The following LPP variants were observed in gnomAD, a reference collection of about 807,000 sequenced individuals.
LPP encodes the protein lipoma-preferred partner.
LPP carries 38 observed loss-of-function variants against 60.4 expected under a neutral mutation model. The ratio of observed to expected loss-of-function variants is 0.63; its 90% CI spans 0.49 to 0.83. LPP has a LOEUF of 0.83. Among genes scored for constraint, LPP ranks in the 40% least tolerant of loss-of-function variants. The pLI, the probability that LPP is intolerant of heterozygous loss-of-function variation, is 0.00. For missense variants in LPP, 902 were observed against 783.6 expected (o/e 1.15, Z -1.80); for synonymous variants, 328 against 290.8 (o/e 1.13, Z -1.30).
At chr3:188,730,763 C>T (rs1216317058) in intron 8 of LPP, among the ~76,000 whole-genome samples, 28 of 152,194 alleles carry the variant, frequency 1.8e-4, no homozygotes, top group Admixed American at 1.8e-3. Context: ...TGGCTAAAAC[C>T]ATCATGTTAG....
At chr3:188,592,368 ATACACACAGTCACACACACACT>A (rs1473630157) in intron 6 of LPP, among the ~76,000 whole-genome samples, 3 of 151,894 alleles carry the variant, frequency 2.0e-5, no homozygotes, top group Non-Finnish European at 2.9e-5. Context: ...ACACACACAC[ATACACACAGTCACACACACACT>A]TACACACAGA....
At chr3:188,746,760 A>G (rs572834323) in intron 8 of LPP, 85 of 256,278 alleles carry the variant, frequency 3.3e-4, no homozygotes, top group Middle Eastern at 1.4e-3. Flanking sequence ...ACTAAATGTG[A>G]TAATCTAAGT....
intron 1 of LPP, among the ~76,000 whole-genome samples, chr3:188,169,851 A>G (rs1357351559): frequency 3.9e-5 from 6 of 152,214 alleles, no homozygotes; most frequent in Non-Finnish European, 8.8e-5. Context: ...ATACAGGGTC[A>G]GAATTCTACT....
intron 3 of LPP, among the ~76,000 whole-genome samples, chr3:188,398,795 A>G (rs1781561971): frequency 6.6e-6 from 1 of 152,224 alleles, no homozygotes; most frequent in Non-Finnish European, 1.5e-5. Context: ...GTTTGCCTAA[A>G]TACTTATTTA....
intron 9 of LPP, among the ~76,000 whole-genome samples, chr3:188,839,413 T>C (rs1759339637): frequency 6.6e-6 from 1 of 152,216 alleles, no homozygotes; most frequent in African/African-American, 2.4e-5. Flanking sequence ...CCCCAAGGCT[T>C]CAGCAAACAT....
Position 188,464,979 on chromosome 3 carries a change from G to GAAA in LPP, c.194-19597_194-19595dup, listed in dbSNP as rs35304055. Among the ~76,000 whole-genome samples the GAAA allele has an allele frequency of 6.5e-3, 671 of 102,944 alleles. 1 individual carries two copies. Among genetic ancestry groups the GAAA allele is most frequent in the African/African-American group, 0.013 (363 of 28,522 alleles). 67.5% of individuals were successfully genotyped at this position (102,944 alleles called of 152,430 possible). Reference sequence around the variant, plus strand: ...TTGAAGCTGAAAAAGGCTTACTATGGAAAAAAAAAAAAAAAAAAGCCCAAG... The same window carrying GAAA: ...TTGAAGCTGAAAAAGGCTTACTATGGAAAAAAAAAAAAAAAAAAAAAGCCCAAG... On this transcript the variant is annotated intron_variant, in intron 4 of 11. Transcript: ENST00000617246.
At chr3:188,472,460 A>G (rs1286982569) in intron 4 of LPP, 2 of 152,306 alleles carry the variant, frequency 1.3e-5, no homozygotes, top group African/African-American at 2.4e-5. Flanking sequence ...TTTTTAAAGC[A>G]TTCATGCATT....
In LPP at chr3:188,690,302, C is replaced by T. The variant is rs116763347; in HGVS notation, c.1114-17965C>T. ...TGACATGTCAGTATTGCTGTTTGCT[C>T]GGGGTTAGGCTTTTCCTTTGGAGGT... On this transcript the variant is annotated intron_variant, in intron 7 of 11. Transcript: ENST00000617246. Among the ~76,000 whole-genome samples the T allele has an allele frequency of 3.2e-3, 484 of 152,194 alleles. 5 individuals are homozygous for T. Among genetic ancestry groups the T allele is most frequent in the African/African-American group, 0.011 (463 of 41,512 alleles).
At position 188,495,083 on chromosome 3, in the gene LPP, T is replaced by TA. The variant is rs57578460; in HGVS notation, c.306+10379_306+10380insA. 1.7e-3 allele frequency among the ~76,000 whole-genome samples: 134 copies of TA among 77,708 alleles called. 4 individuals are homozygous for TA. The highest frequency in any genetic ancestry group is 6.5e-3 in the African/African-American group (75 of 11,622). 51.0% of individuals were successfully genotyped at this position (77,708 alleles called of 152,430 possible). A position where few individuals can be genotyped will look rare whatever the true frequency, so the allele number is the denominator to read the frequency against. On this transcript the variant is annotated intron_variant, in intron 5 of 11. Coordinates refer to ENST00000617246, the MANE Select transcript of LPP (RefSeq NM_001375462.1). Reference sequence around the variant, plus strand: ...AGGATTTTATATATATATATATATATTTTATTTATATTTTATTATATATTT... The same window carrying TA: ...AGGATTTTATATATATATATATATATATTTATTTATATTTTATTATATATTT...
chr3:188,240,589 G>A (rs1271603934), intron 2 of LPP, among the ~76,000 whole-genome samples: 1 of 152,102 alleles, frequency 6.6e-6, no homozygotes, highest in Non-Finnish European at 1.5e-5. Context: ...CTGTTATTGA[G>A]TAGTTAGGAT....
intron 3 of LPP, among the ~76,000 whole-genome samples, chr3:188,355,783 C>T (rs900042500): frequency 6.6e-6 from 1 of 152,158 alleles, no homozygotes; most frequent in African/African-American, 2.4e-5. Flanking sequence ...GTTTGTTAAT[C>T]ATATGACTAT....
At chr3:188,409,116 G>A (rs1011372206) in intron 4 of LPP, among the ~76,000 whole-genome samples, 1 of 152,154 alleles carries the variant, frequency 6.6e-6, no homozygotes, top group Non-Finnish European at 1.5e-5. Flanking sequence ...ATGGCTGGCG[G>A]ATGGCTGGCT....
intron 9 of LPP, among the ~76,000 whole-genome samples, chr3:188,848,721 A>G (rs574354123): frequency 1.3e-5 from 2 of 152,320 alleles, no homozygotes; most frequent in South Asian, 4.1e-4. Context: ...TAATCCCAGC[A>G]CTTTGGGAGG....
At chr3:188,359,276 G>A (rs1252987259) in intron 3 of LPP, among the ~76,000 whole-genome samples, 1 of 152,194 alleles carries the variant, frequency 6.6e-6, no homozygotes, top group African/African-American at 2.4e-5. Flanking sequence ...AAAGCAAGCT[G>A]CATCCGAGGT....
chr3:188,824,421 T>C (rs1754826571), intron 9 of LPP, among the ~76,000 whole-genome samples: 1 of 152,192 alleles, frequency 6.6e-6, no homozygotes, highest in African/African-American at 2.4e-5. Flanking sequence ...ACATTTCAAA[T>C]GCTCAAGAAC....
chr3:188,651,724 T>C (rs1454389087), intron 7 of LPP, among the ~76,000 whole-genome samples: 2 of 152,132 alleles, frequency 1.3e-5, no homozygotes, highest in East Asian at 3.9e-4. Flanking sequence ...ACGAGACTTA[T>C]TTACTATCAT....
intron 1 of LPP, among the ~76,000 whole-genome samples, chr3:188,205,199 G>A (rs2149141054): frequency 6.6e-6 from 1 of 150,600 alleles, no homozygotes; most frequent in South Asian, 2.1e-4. Context: ...TTACAGATGA[G>A]AAAACTGAGG....
chr3:188,628,261 G>T (rs1387903703), intron 7 of LPP, among the ~76,000 whole-genome samples: 1 of 151,260 alleles, frequency 6.6e-6, no homozygotes, highest in Admixed American at 6.6e-5. Context: ...GAGCTGAACT[G>T]AACAAAATTC....
intron 8 of LPP, among the ~76,000 whole-genome samples, chr3:188,730,083 T>C (rs904105247): frequency 6.6e-6 from 1 of 152,208 alleles, no homozygotes; most frequent in African/African-American, 2.4e-5. Flanking sequence ...ACATATAGAT[T>C]TAAAGATTAC....
Sources: allele counts gnomAD v4.1 joint callset (sites outside exome capture counted in the v4.1 genomes callset), GRCh38; gene constraint gnomAD v4.1.1; transcripts MANE v1.5; gene names NCBI Gene and HGNC (gene_info 2026-07-23, HGNC 2026-07-21).